Variants in SEMA3A observed in about 807,000 individuals in gnomAD.
SEMA3A encodes the protein semaphorin-3A.
A neutral mutation model predicts 97.9 loss-of-function variants in SEMA3A; 29 were observed. That is an observed-to-expected ratio of 0.30 (90% CI 0.22 to 0.40). The LOEUF is 0.40. Ranked by LOEUF, SEMA3A falls within the 10% of genes least tolerant of loss-of-function variation. The pLI is 1.00. For synonymous variants in SEMA3A, 321 were observed against 323.7 expected, an observed-to-expected ratio of 0.99 and a Z score of 0.09; for missense variants, 763 against 951.3, an observed-to-expected ratio of 0.80 and a Z score of 2.60.
At chr7:84,293,662 T>C (rs531454909) in intron 3 of SEMA3A, among the ~76,000 whole-genome samples, 1 of 152,190 alleles carries the variant, frequency 6.6e-6, no homozygotes, top group East Asian at 1.9e-4. Flanking sequence ...TATTTCAAGT[T>C]CATTTCTCTC....
intron 7 of SEMA3A, among the ~76,000 whole-genome samples, 178 bp from the exon 8 acceptor site, chr7:84,011,475 G>A (rs573310219): frequency 1.2e-4 from 18 of 152,144 alleles, no homozygotes; most frequent in South Asian, 2.1e-4. Flanking sequence ...ATTTGTGGTC[G>A]AATCGTTCCC....
chr7:84,033,701 G>A (rs1293714222), intron 6 of SEMA3A, among the ~76,000 whole-genome samples: 1 of 152,088 alleles, frequency 6.6e-6, no homozygotes, highest in Non-Finnish European at 1.5e-5. Flanking sequence ...ATAATCAAAA[G>A]TATAATATAC....
chr7:84,149,365 T>C (rs1471606773), intron 1 of SEMA3A, among the ~76,000 whole-genome samples: 2 of 152,196 alleles, frequency 1.3e-5, no homozygotes, highest in East Asian at 3.8e-4. Context: ...AAGATTGAAG[T>C]TAAATATTAT....
chr7:84,192,656 GCCT>G, intron 1 of SEMA3A, among the ~76,000 whole-genome samples: 1 of 151,838 alleles, frequency 6.6e-6, no homozygotes, highest in East Asian at 1.9e-4. Flanking sequence ...AAGAACAAGT[GCCT>G]CCTCTATCAT....
chr7:84,295,177 C>T lies in SEMA3A; in HGVS notation c.-83+12030G>A, dbSNP rs116755514. 6.6e-3 allele frequency among the ~76,000 whole-genome samples: 1,005 copies of T among 152,110 alleles called. 11 individuals are homozygous for T. Among genetic ancestry groups the T allele is most frequent in the African/African-American group, 0.023 (945 of 41,544 alleles). On this transcript the variant is annotated intron_variant, in intron 3 of 3. Transcript: ENST00000424555. ...TGATTTAGAAGGTACCTCTGTCCAA[C>T]TTTGTAGTCTAGACTAGCAATTGGT...
At chr7:84,386,031 T>G (rs551914396) in intron 1 of SEMA3A, among the ~76,000 whole-genome samples, 1 of 152,338 alleles carries the variant, frequency 6.6e-6, no homozygotes. Flanking sequence ...GCTCACATTA[T>G]TCTAAGATTT....
At chr7:84,116,655 C>T (rs4732545) in intron 3 of SEMA3A, among the ~76,000 whole-genome samples, 110,201 of 152,012 alleles carry the variant, frequency 0.72, 40,418 homozygotes, top group East Asian at 0.91. Context: ...GCTGGTGTCT[C>T]TATAAGAAGA....
chr7:84,249,770 T>C (rs1799563929), intron 3 of SEMA3A, among the ~76,000 whole-genome samples: 2 of 150,036 alleles, frequency 1.3e-5, no homozygotes, highest in Admixed American at 1.3e-4. Context: ...ATCATCTTCC[T>C]GAGATTCCTT....
intron 1 of SEMA3A, among the ~76,000 whole-genome samples, chr7:84,421,284 C>G (rs1191194399): frequency 6.6e-6 from 1 of 151,904 alleles, no homozygotes; most frequent in Non-Finnish European, 1.5e-5. Context: ...CAAAAGTATC[C>G]TTCAACAAAT....
At chr7:84,308,862 G>C (rs1801236229) in intron 2 of SEMA3A, among the ~76,000 whole-genome samples, 1 of 146,634 alleles carries the variant, frequency 6.8e-6, no homozygotes, top group African/African-American at 2.5e-5. Context: ...TTGTCACCCA[G>C]GCTGGAGTGC....
chr7:84,378,948 A>G (rs550029536), intron 1 of SEMA3A, among the ~76,000 whole-genome samples: 2 of 150,866 alleles, frequency 1.3e-5, no homozygotes, highest in Admixed American at 6.6e-5. Context: ...TTTTTTTGAG[A>G]TGGAATCTTG....
chr7:84,285,475 A>G (rs1800556632), intron 3 of SEMA3A, among the ~76,000 whole-genome samples: 1 of 152,040 alleles, frequency 6.6e-6, no homozygotes, highest in African/African-American at 2.4e-5. Context: ...TTAATAGAAA[A>G]CTTATTATAT....
At chr7:84,252,284 AAC>A (rs1264765576) in intron 3 of SEMA3A, among the ~76,000 whole-genome samples, 10 of 152,338 alleles carry the variant, frequency 6.6e-5, no homozygotes, top group African/African-American at 2.2e-4. Context: ...CACATAATTT[AAC>A]AGTCAGTCAT....
intron 2 of SEMA3A, among the ~76,000 whole-genome samples, chr7:84,339,245 T>C (rs1004869046): frequency 1.3e-5 from 2 of 152,138 alleles, no homozygotes; most frequent in African/African-American, 4.8e-5. Flanking sequence ...AGTAGATGAA[T>C]TGGGGACTAA....
intron 3 of SEMA3A, among the ~76,000 whole-genome samples, chr7:84,208,916 T>C (rs1798560824): frequency 6.6e-6 from 1 of 152,232 alleles, no homozygotes. Flanking sequence ...ATTACCAGCA[T>C]TGGATACTGT....
intron 1 of SEMA3A, among the ~76,000 whole-genome samples, chr7:84,150,347 G>GA (rs1364705568): frequency 6.6e-6 from 1 of 152,172 alleles, no homozygotes; most frequent in East Asian, 1.9e-4. Flanking sequence ...TCTCACTGGG[G>GA]AGTGCCAGAC....
chr7:84,086,679 A>G (rs916915385), intron 4 of SEMA3A, among the ~76,000 whole-genome samples: 2 of 147,156 alleles, frequency 1.4e-5, no homozygotes, highest in African/African-American at 5.0e-5. Context: ...ATGTATATAT[A>G]TGGAATATAT....
intron 4 of SEMA3A, among the ~76,000 whole-genome samples, chr7:84,066,481 G>A (rs1294595866): frequency 3.4e-5 from 5 of 145,360 alleles, no homozygotes; most frequent in Non-Finnish European, 7.5e-5. Flanking sequence ...AAGTCAAATT[G>A]TCCCTGTTTG....
chr7:84,258,555 G>A (rs1184863131), intron 3 of SEMA3A, among the ~76,000 whole-genome samples: 1 of 74,654 alleles, frequency 1.3e-5, no homozygotes, highest in Admixed American at 1.1e-4. Context: ...GTTTTTGCAG[G>A]ATTTTACACA....
Sources: gnomAD v4.1 joint callset for allele counts (sites outside exome capture counted in the v4.1 genomes callset) on GRCh38, gnomAD v4.1.1 for gene constraint, MANE v1.5 for transcripts, NCBI Gene and HGNC (gene_info 2026-07-23, HGNC 2026-07-21) for gene names.